The following C1orf167 variants were observed in gnomAD, a reference collection of about 807,000 sequenced individuals.
The protein encoded by C1orf167 is uncharacterized protein C1orf167.
Under a neutral mutation model 176.5 loss-of-function variants are expected in C1orf167, and 153 were observed. That is an observed-to-expected ratio of 0.87 (90% CI 0.76 to 0.99). C1orf167 has a LOEUF of 0.99. Among genes scored for constraint, C1orf167 ranks in the 50% least tolerant of loss-of-function variants. The pLI, the probability that C1orf167 is intolerant of heterozygous loss-of-function variation, is 0.00. For synonymous variants in C1orf167, 594 were observed against 752.7 expected (o/e 0.79, Z 3.45); for missense variants, 1,490 against 1,817.7 (o/e 0.82, Z 3.28).
intron 7 of C1orf167, 99 bp from the exon 8 acceptor site, chr1:11,771,983 G>A: frequency 1.1e-6 from 1 of 921,068 alleles, no homozygotes; most frequent in Non-Finnish European, 1.5e-6. Flanking sequence ...GATGGGGGGT[G>A]CCCTGCGACA....
chr1:11,779,960 G>A lies in C1orf167; in HGVS notation c.2810G>A (p.Gly937Asp). Reference sequence around the variant, plus strand: ...GTGGAGTGGTGGGCCCAGGAGCGGGGCTGGCGGCTGGCACGAGATGCCCTA... The same window carrying A: ...GTGGAGTGGTGGGCCCAGGAGCGGGACTGGCGGCTGGCACGAGATGCCCTA... ...RLVEWWAQER[G>D]WRLARDALCH... The change falls in exon 13 of 21, where the codon GGC (glycine) becomes GAC (aspartate). Residue 937 changes from glycine to aspartate, a missense_variant. Gly to Asp is a moderately conservative substitution (Grantham distance 94, BLOSUM62 -1). Transcript: ENST00000688073. The A allele has an allele frequency of 7.7e-7, 1 of 1,298,118 alleles. No individual in the cohort carries two copies. Among genetic ancestry groups the A allele is most frequent in the Non-Finnish European group, 1.0e-6 (1 of 985,494 alleles). The allele number at this position is 1,298,118 out of a possible 1,614,324, so 80.4% of individuals were successfully genotyped here.
chr1:11,766,553 G>T lies in C1orf167; in HGVS notation c.767G>T (p.Cys256Phe), dbSNP rs1482687340. The T allele has an allele frequency of 2.4e-6, 3 of 1,244,864 alleles. No individual in the cohort carries two copies. The highest frequency in any genetic ancestry group is 3.1e-6 in the Non-Finnish European group (3 of 965,670). 77.1% of individuals were successfully genotyped at this position (1,244,864 alleles called of 1,614,324 possible). Reference protein sequence around the residue: ...CLAQEAARLRCQAPQEPPGAV... With the variant: ...CLAQEAARLRFQAPQEPPGAV... ...GCGCAGGAGGCAGCCCGACTCAGGTGCCAGGCTCCCCAGGAACCCCCCGGT... is the reference window on the plus strand; with the variant it reads ...GCGCAGGAGGCAGCCCGACTCAGGTTCCAGGCTCCCCAGGAACCCCCCGGT... The change falls in exon 3 of 21, where the codon TGC becomes TTC. Residue 256 changes from cysteine (C) to phenylalanine (F), a missense_variant. Physicochemically the swap from Cys to Phe is radical, Grantham distance 205. Coordinates refer to ENST00000688073, the MANE Select transcript of C1orf167 (RefSeq NM_001010881.2). This position sits in a 1 kb window ranked among gnomAD's most constrained non-coding sequence, Gnocchi z 4.5.
chr1:11,771,045 GTGTGTATATATA>G (rs1643038760), intron 6 of C1orf167, among the ~76,000 whole-genome samples: 1 of 68,642 alleles, frequency 1.5e-5, no homozygotes, highest in Non-Finnish European at 2.9e-5. Context: ...GTGTGTGTGT[GTGTGTATATATA>G]TATATATATA....
rs939793988 is a variant in C1orf167 at position 11,771,542 on chromosome 1, G to T, written c.1716G>T (p.Glu572Asp). 1 of 1,289,622 alleles carries T rather than the reference G, an allele frequency of 7.8e-7. No homozygotes were observed. Among genetic ancestry groups the T allele is most frequent in the African/African-American group, 1.5e-5 (1 of 65,822 alleles). The allele number at this position is 1,289,622 out of a possible 1,614,324, so 79.9% of individuals were successfully genotyped here. ...CTTTTAGTCCAGGAAGTCTGAGGGA[G>T]GAGGAGATTGCTCAGCGGCTTCTGT... ...LEHTSPGSLR[E>D]EEIAQRLLSH... The change falls in exon 7 of 21, where the codon GAG becomes GAT. Residue 572 changes from glutamate (E) to aspartate (D), a missense_variant. By Grantham distance (45) the Glu-to-Asp change is conservative. Transcript: ENST00000688073.
At chr1:11,782,056 T>C (rs935837529) in intron 13 of C1orf167, 133 bp from the exon 14 acceptor site, 1 of 785,790 alleles carries the variant, frequency 1.3e-6, no homozygotes, top group Non-Finnish European at 1.7e-6. Flanking sequence ...TAATAGAGGC[T>C]TTTTAACCCA....
rs1236851412 is a variant in C1orf167 at position 11,782,348 on chromosome 1, G to A, written c.3005+15G>A. On this transcript the variant is annotated intron_variant, in intron 14 of 20. Transcript: ENST00000688073. The stretch of plus-strand genomic sequence containing the variant: ...CTACTGCAGAGGTGGGTGGGCCTGG[G>A]GGTGGGAGGGTGTTGGTCCTCCCCA... 8.2e-7 allele frequency: 1 copy of A among 1,226,332 alleles called. No homozygotes were observed. Among genetic ancestry groups the A allele is most frequent in the Non-Finnish European group, 1.1e-6 (1 of 951,238 alleles). 76.0% of individuals were successfully genotyped at this position (1,226,332 alleles called of 1,614,324 possible).
intron 10 of C1orf167, chr1:11,777,229 A>G (rs1292123182): frequency 6.5e-6 from 1 of 152,722 alleles, no homozygotes; most frequent in Admixed American, 6.5e-5. Flanking sequence ...GCCCCCACAC[A>G]AGATGGTCAC....
intron 16 of C1orf167, chr1:11,786,621 T>TTC (rs1245480686): frequency 1.6e-5 from 2 of 122,520 alleles, no homozygotes; most frequent in East Asian, 2.6e-4. Flanking sequence ...TTTTTTTTTT[T>TTC]GTAGAAATGG....
In C1orf167 at chr1:11,768,710, G is replaced by A. The variant is rs189082865; in HGVS notation, c.1543-263G>A. 5.6e-3 allele frequency among the ~76,000 whole-genome samples: 854 copies of A among 152,214 alleles called. 15 individuals are homozygous for A. Among genetic ancestry groups the A allele is most frequent in the African/African-American group, 0.02 (818 of 41,524 alleles). On this transcript the variant is annotated intron_variant, in intron 5 of 20. Transcript: ENST00000688073. The surrounding 1 kb of genome is among the most constrained non-coding windows in gnomAD (Gnocchi z 4.5). ...GGAGCATCTGTGTCCTTCCCTCCTT[G>A]GGAAAGGGGTGCTCTGAGAGGGTCC...
In C1orf167 at chr1:11,784,209, CG is replaced by C. The variant is rs1320452644; in HGVS notation, c.3046del (p.Val1016CysfsTer13). 3 of 1,267,578 alleles carry C rather than the reference CG, an allele frequency of 2.4e-6. No individual in the cohort carries two copies. The highest frequency in any genetic ancestry group is 2.5e-5 in the Admixed American group (1 of 39,626). 78.5% of individuals were successfully genotyped at this position (1,267,578 alleles called of 1,614,324 possible). ...GCCTGGTGTGAGGTTGTAAGAGACACGGGGGTGCTCCGGGCCCAGCATCAAG... is the reference window on the plus strand; with the variant it reads ...GCCTGGTGTGAGGTTGTAAGAGACACGGGGTGCTCCGGGCCCAGCATCAAG... ...FQAWCEVVRDTGVLRAQHQAF... is the reference protein window; with the variant it reads ...FQAWCEVVRDXGVLRAQHQAF... On this transcript the variant is annotated frameshift_variant, in exon 15 of 21. Coordinates refer to ENST00000688073, the MANE Select transcript of C1orf167 (RefSeq NM_001010881.2). LOFTEE classifies it high-confidence loss of function.
intron 10 of C1orf167, 26 bp from the exon 11 acceptor site, chr1:11,778,634 G>A (rs1164110864): frequency 7.8e-7 from 1 of 1,276,552 alleles, no homozygotes; most frequent in Admixed American, 2.4e-5. Flanking sequence ...GAGGCTGGGT[G>A]GGTCACTCAC....
At chr1:11,786,358 T>C (rs1257381003) in intron 16 of C1orf167, 9 of 152,230 alleles carry the variant, frequency 5.9e-5, no homozygotes, top group African/African-American at 2.2e-4. Flanking sequence ...GGCATCATCA[T>C]GAATCCTATT....
chr1:11,763,563 C>T (rs1266631882), intron 1 of C1orf167, among the ~76,000 whole-genome samples: 2 of 152,076 alleles, frequency 1.3e-5, no homozygotes, highest in Non-Finnish European at 2.9e-5. Flanking sequence ...TAACTTTATT[C>T]ACATAATAGA....
intron 2 of C1orf167, among the ~76,000 whole-genome samples, chr1:11,764,870 T>G (rs6677253): frequency 6.6e-6 from 1 of 151,744 alleles, no homozygotes; most frequent in Non-Finnish European, 1.5e-5. Flanking sequence ...GCCTGGCCAA[T>G]GTGGTGAAAC....
intron 15 of C1orf167, 32 bp downstream of exon 15, chr1:11,784,625 C>G (rs189284110): frequency 8.3e-7 from 1 of 1,207,642 alleles, no homozygotes; most frequent in African/African-American, 1.6e-5. Flanking sequence ...CAGCCCCACT[C>G]TGTGCTTCCA....
At chr1:11,767,409 C>G in intron 4 of C1orf167, 145 bp downstream of exon 4, 1 of 689,146 alleles carries the variant, frequency 1.5e-6, no homozygotes, top group East Asian at 6.7e-5. Context: ...CTACCTGTCC[C>G]TGCTGGGGGA....
At position 11,766,662 on chromosome 1, in the gene C1orf167, G is replaced by A. The variant is rs1015419856; in HGVS notation, c.876G>A (p.Ser292=). The change falls in exon 3 of 21, where the codon TCG becomes TCA. Residue 292 remains serine, a synonymous_variant. Coordinates refer to ENST00000688073, the MANE Select transcript of C1orf167 (RefSeq NM_001010881.2). This position sits in a 1 kb window ranked among gnomAD's most constrained non-coding sequence, Gnocchi z 4.5. The part of the protein sequence containing the change: ...PQPSQPVLAS[S]DGRRRRLRGH... ...CCAGCCAGCCTGTCCTTGCTTCCTC[G>A]GATGGGAGGAGGAGACGCCTTCGAG... 2.8e-5 allele frequency: 36 copies of A among 1,289,674 alleles called. No individual in the cohort carries two copies. The African/African-American group carries it at 3.9e-4, about 14-fold the overall frequency. 79.9% of individuals were successfully genotyped at this position (1,289,674 alleles called of 1,614,324 possible). A position where few individuals can be genotyped will look rare whatever the true frequency, so the allele number is the denominator to read the frequency against.
At chr1:11,770,262 A>C (rs979607551) in intron 6 of C1orf167, among the ~76,000 whole-genome samples, 3 of 151,848 alleles carry the variant, frequency 2.0e-5, no homozygotes, top group Non-Finnish European at 4.4e-5. Flanking sequence ...AAAAAAAAAA[A>C]CCTGAAAATG....
intron 14 of C1orf167, 126 bp from the exon 15 acceptor site, chr1:11,784,046 CGG>C (rs1411523013): frequency 3.6e-5 from 29 of 809,022 alleles, no homozygotes; most frequent in Non-Finnish European, 4.9e-5. Flanking sequence ...TTAATAGAGA[CGG>C]GGTTTCACCA....
Sources: gnomAD v4.1 joint callset for allele counts (sites outside exome capture counted in the v4.1 genomes callset) on GRCh38, gnomAD v4.1.1 for gene constraint, Gnocchi (gnomAD v3.1) non-coding constraint, MANE v1.5 for transcripts, NCBI Gene and HGNC (gene_info 2026-07-23, HGNC 2026-07-21) for gene names.